Variants in DEF8 observed in about 807,000 individuals in gnomAD.
The protein encoded by DEF8 is differentially expressed in FDCP 8 homolog.
DEF8 carries 38 observed loss-of-function variants against 59.1 expected under a neutral mutation model. The observed-to-expected ratio is 0.64, with a 90% CI of 0.50 to 0.84. The LOEUF is 0.84. Among genes scored for constraint, DEF8 ranks in the 40% least tolerant of loss-of-function variants. The pLI, the probability that DEF8 is intolerant of heterozygous loss-of-function variation, is 0.00. For missense variants in DEF8, 557 were observed against 615.2 expected, an observed-to-expected ratio of 0.91 and a Z score of 1.00; for synonymous variants, 265 against 250.1, an observed-to-expected ratio of 1.06 and a Z score of -0.56.
intron 2 of DEF8, 174 bp downstream of exon 2, chr16:89,949,687 C>T (rs1221690579): frequency 6.6e-7 from 1 of 1,524,254 alleles, no homozygotes; most frequent in South Asian, 1.2e-5. Context: ...TCCCTCCGTG[C>T]CCCGGAACCC....
intron 7 of DEF8, among the ~76,000 whole-genome samples, chr16:89,961,476 C>G (rs115365470): frequency 0.017 from 2,553 of 152,274 alleles, 45 homozygotes; most frequent in South Asian, 0.081. Context: ...CGCGTCAGCT[C>G]TTCTTTCTAG....
chr16:89,958,920 G>C, intron 5 of DEF8, 94 bp from the exon 6 acceptor site: 4 of 1,550,238 alleles, frequency 2.6e-6, no homozygotes, highest in Non-Finnish European at 3.5e-6. Context: ...GCCCTAAATG[G>C]TGCCTGGAAG....
Position 89,964,199 on chromosome 16 carries a change from C to T in DEF8, c.1032C>T (p.Asn344=), listed in dbSNP as rs751918262. Residue 344 remains asparagine (N), a synonymous_variant, in exon 11 of 13, where the codon AAC becomes AAT. Coordinates refer to ENST00000563594, the MANE Select transcript of DEF8 (RefSeq NM_001242818.2). ...QLQDRQHFVE[N]DEMYSVQDLL... ...AGGATCGGCAGCATTTTGTGGAGAA[C>T]GACGAGATGTACTCTGTCCAGGACC... The T allele has an allele frequency of 9.9e-6, 16 of 1,613,740 alleles. No individual in the cohort carries two copies. The highest frequency in any genetic ancestry group is 1.3e-5 in the Non-Finnish European group (15 of 1,179,932).
In DEF8 at chr16:89,967,582, G is replaced by C. The variant is rs1006033338; in HGVS notation, c.*1619G>C. The C allele has an allele frequency of 7.5e-6, 3 of 397,818 alleles. No individual in the cohort carries two copies. The highest frequency in any genetic ancestry group is 1.3e-5 in the Non-Finnish European group (3 of 226,058). The allele number at this position is 397,818 out of a possible 1,614,324, so 24.6% of individuals were successfully genotyped here. ...AATGTGATGTGAGGTTGGATCAACA[G>C]TGTGGGTTCCTGTCCTGTTTCCCCT... On this transcript the variant is annotated 3_prime_UTR_variant, in exon 13 of 13. Coordinates refer to ENST00000563594, the MANE Select transcript of DEF8 (RefSeq NM_001242818.2).
rs565939494 is a variant in DEF8, at chr16:89,961,151, G to T, written c.679+56G>T. ...GGGAGCTGTTCCTGGCGGGGAGCCG[G>T]GTGCACAGGTGTGTAAGGGCACGTA... On this transcript the variant is annotated intron_variant, in intron 7 of 12. Coordinates refer to ENST00000563594, the MANE Select transcript of DEF8 (RefSeq NM_001242818.2). 58 of 1,576,358 alleles carry T rather than the reference G, an allele frequency of 3.7e-5. No individual in the cohort carries two copies. The South Asian group carries it at 6.1e-4, about 17-fold the overall frequency.
intron 4 of DEF8, chr16:89,957,295 A>G: frequency 4.5e-6 from 2 of 442,946 alleles, no homozygotes; most frequent in Non-Finnish European, 8.0e-6. Context: ...GTCTGTGGGC[A>G]GGCAGGTCAG....
chr16:89,959,757 A>G (rs925734599), intron 6 of DEF8, among the ~76,000 whole-genome samples: 3 of 152,158 alleles, frequency 2.0e-5, no homozygotes, highest in African/African-American at 7.2e-5. Flanking sequence ...TCGGCCTCCC[A>G]AAGTGCTGGG....
intron 7 of DEF8, 49 bp from the exon 8 acceptor site, chr16:89,961,688 G>C: frequency 6.2e-7 from 1 of 1,607,166 alleles, no homozygotes; most frequent in Non-Finnish European, 8.5e-7. Flanking sequence ...GGAAAGCTGT[G>C]TGGGGTTTTT....
At position 89,962,000 on chromosome 16, in the gene DEF8, C is replaced by T. The variant is rs775536153; in HGVS notation, c.808-12C>T. 38 of 1,613,442 alleles carry T rather than the reference C, an allele frequency of 2.4e-5. No homozygotes were observed. The highest frequency in any genetic ancestry group is 1.2e-4 in the South Asian group (11 of 91,072). Reference sequence around the variant, plus strand: ...GTGGGTGTGAGAGGTGTCACCCGGCCGTGCCTGGCAGGTTTCTCGCTGCAG... The same window carrying T: ...GTGGGTGTGAGAGGTGTCACCCGGCTGTGCCTGGCAGGTTTCTCGCTGCAG... On this transcript the variant is annotated splice_polypyrimidine_tract_variant and intron_variant, in intron 8 of 12. Coordinates refer to ENST00000563594, the MANE Select transcript of DEF8 (RefSeq NM_001242818.2).
At chr16:89,955,811 G>A (rs1161658564) in intron 4 of DEF8, among the ~76,000 whole-genome samples, 2 of 152,206 alleles carry the variant, frequency 1.3e-5, no homozygotes, top group Non-Finnish European at 2.9e-5. Flanking sequence ...GGTGGCTCAC[G>A]CCTGTAATCC....
intron 4 of DEF8, among the ~76,000 whole-genome samples, chr16:89,955,538 C>A (rs560079527): frequency 1.3e-5 from 2 of 152,200 alleles, no homozygotes; most frequent in Non-Finnish European, 1.5e-5. Context: ...GAACCTGGGG[C>A]TGCTTCTGTC....
At position 89,967,537 on chromosome 16, in the gene DEF8, C is replaced by T. The variant is rs2034667638; in HGVS notation, c.*1574C>T. On this transcript the variant is annotated 3_prime_UTR_variant, in exon 13 of 13. Coordinates refer to ENST00000563594, the MANE Select transcript of DEF8 (RefSeq NM_001242818.2). Reference sequence around the variant, plus strand: ...CTCAGGTGGAACGGTGAGCAGGGAACATGTCGGAGTCCTTCAGAGAATGTG... The same window carrying T: ...CTCAGGTGGAACGGTGAGCAGGGAATATGTCGGAGTCCTTCAGAGAATGTG... The T allele has an allele frequency of 2.5e-6, 1 of 398,550 alleles. No individual in the cohort carries two copies. Among genetic ancestry groups the T allele is most frequent in the Non-Finnish European group, 4.4e-6 (1 of 226,064 alleles). The allele number at this position is 398,550 out of a possible 1,614,324, so 24.7% of individuals were successfully genotyped here.
intron 1 of DEF8, 57 bp from the exon 2 acceptor site, chr16:89,949,360 G>A (rs1032636766): frequency 1.4e-6 from 2 of 1,417,158 alleles, no homozygotes; most frequent in Non-Finnish European, 1.9e-6. Flanking sequence ...GACCGGGCGA[G>A]CTCCCGCGGG....
At chr16:89,952,035 A>G (rs11859131) in intron 2 of DEF8, among the ~76,000 whole-genome samples, 23,345 of 151,892 alleles carry the variant, frequency 0.15, 2,107 homozygotes, top group African/African-American at 0.25. Context: ...CTGCCACCAC[A>G]CCTGGCTAAT....
chr16:89,963,286 C>T lies in DEF8; in HGVS notation c.922-77C>T, dbSNP rs1010961263. On this transcript the variant is annotated intron_variant, in intron 9 of 12. Transcript: ENST00000563594. Reference sequence around the variant, plus strand: ...CCAACCCCTCCTGGCCCTGCCGTGGCCCCGGGTGTGCGGCCCACACAGGGG... The same window carrying T: ...CCAACCCCTCCTGGCCCTGCCGTGGTCCCGGGTGTGCGGCCCACACAGGGG... The T allele has an allele frequency of 2.2e-5, 29 of 1,314,214 alleles. No homozygotes were observed. The East Asian group carries it at 6.8e-4, about 31-fold the overall frequency. The allele number at this position is 1,314,214 out of a possible 1,614,324, so 81.4% of individuals were successfully genotyped here.
intron 6 of DEF8, among the ~76,000 whole-genome samples, chr16:89,960,517 T>A (rs942785638): frequency 4.0e-5 from 6 of 149,554 alleles, no homozygotes; most frequent in African/African-American, 1.5e-4. Flanking sequence ...TCTTAAAAAG[T>A]ACAAAAACAA....
chr16:89,955,254 C>T lies in DEF8; in HGVS notation c.210C>T (p.Phe70=), dbSNP rs1346071010. Reference sequence around the variant, plus strand: ...ATCTCGGCCTGTCTGAGGACCACTTCTCCCGCCCTGTGGTAAGGTTTTAGA... The same window carrying T: ...ATCTCGGCCTGTCTGAGGACCACTTTTCCCGCCCTGTGGTAAGGTTTTAGA... ...VMDLGLSEDH[F]SRPVGLFLAS... is the part of the protein sequence containing the mutation. Residue 70 remains phenylalanine, a synonymous_variant, in exon 4 of 13, where the codon TTC becomes TTT. Coordinates refer to ENST00000563594, the MANE Select transcript of DEF8 (RefSeq NM_001242818.2). 1 of 1,613,372 alleles carries T rather than the reference C, an allele frequency of 6.2e-7. No individual in the cohort carries two copies. Among genetic ancestry groups the T allele is most frequent in the African/African-American group, 1.3e-5 (1 of 74,836 alleles).
chr16:89,967,263 G>C lies in DEF8; in HGVS notation c.*1300G>C. Reference sequence around the variant, plus strand: ...ACACGGTGGGCAGAGGGCAGAGAATGCCACTGCTTGGTTATTGGTCCCCTT... The same window carrying C: ...ACACGGTGGGCAGAGGGCAGAGAATCCCACTGCTTGGTTATTGGTCCCCTT... On this transcript the variant is annotated 3_prime_UTR_variant, in exon 13 of 13. Coordinates refer to ENST00000563594, the MANE Select transcript of DEF8 (RefSeq NM_001242818.2). The C allele has an allele frequency of 2.5e-6, 1 of 398,652 alleles. No homozygotes were observed. Among genetic ancestry groups the C allele is most frequent in the Non-Finnish European group, 4.4e-6 (1 of 226,104 alleles). 24.7% of individuals were successfully genotyped at this position (398,652 alleles called of 1,614,324 possible).
At position 89,965,931 on chromosome 16, in the gene DEF8, T is replaced by C. The variant is rs762960767; in HGVS notation, c.1324T>C (p.Phe442Leu). ...ARLSLRKQSL[F>L]QEPGPDVEA ...GCTCAGCCTGAGGAAGCAGTCGCTC[T>C]TCCAGGAGCCAGGTCCCGATGTGGA... The change falls in exon 13 of 13, where the codon TTC becomes CTC. Residue 442 changes from phenylalanine (F) to leucine (L), a missense_variant. By Grantham distance (22) the Phe-to-Leu change is conservative. Transcript: ENST00000563594. The C allele has an allele frequency of 1.4e-5, 22 of 1,613,450 alleles. No homozygotes were observed. In the Admixed American group the frequency reaches 1.7e-4, roughly 12 times the overall value.
Sources: gnomAD v4.1 joint callset for allele counts (sites outside exome capture counted in the v4.1 genomes callset) on GRCh38, gnomAD v4.1.1 for gene constraint, MANE v1.5 for transcripts, NCBI Gene and HGNC (gene_info 2026-07-23, HGNC 2026-07-21) for gene names.